The following SUPT3H variants were observed in gnomAD, a reference collection of about 807,000 sequenced individuals.
SUPT3H encodes SPT3 homolog, SAGA and STAGA complex component.
A neutral mutation model predicts 44.3 loss-of-function variants in SUPT3H; 44 were observed. The observed-to-expected ratio is 0.99, with a 90% CI of 0.78 to 1.28. SUPT3H has a LOEUF of 1.28. Among genes scored for constraint, SUPT3H ranks in the 50% most tolerant of loss-of-function variants. The pLI is 0.00. For missense variants in SUPT3H, 380 were observed against 387.1 expected (o/e 0.98, Z 0.15); for synonymous variants, 124 against 125.6 (o/e 0.99, Z 0.09).
chr6:44,894,549 T>C (rs1405171928), intron 10 of SUPT3H, among the ~76,000 whole-genome samples: 1 of 152,142 alleles, frequency 6.6e-6, no homozygotes, highest in African/African-American at 2.4e-5. Context: ...CGGTGTTATT[T>C]CTGAGGGCTC....
intron 2 of SUPT3H, among the ~76,000 whole-genome samples, chr6:45,303,301 G>C (rs1447383771): frequency 1.3e-5 from 2 of 152,136 alleles, no homozygotes; most frequent in Non-Finnish European, 2.9e-5. Context: ...CTTCTGCACA[G>C]CAAAAGGATA....
intron 2 of SUPT3H, among the ~76,000 whole-genome samples, chr6:45,141,612 G>A (rs1805227437): frequency 6.7e-6 from 1 of 150,368 alleles, no homozygotes; most frequent in Non-Finnish European, 1.5e-5. Context: ...AAGAACTTCA[G>A]AGCATGAAGA....
chr6:44,830,392 A>C (rs1768432267), intron 10 of SUPT3H, among the ~76,000 whole-genome samples: 1 of 152,204 alleles, frequency 6.6e-6, no homozygotes, highest in Admixed American at 6.6e-5. Flanking sequence ...AGACAGTATC[A>C]AAAATGCAAA....
chr6:45,074,259 T>C (rs1297438123), intron 3 of SUPT3H, among the ~76,000 whole-genome samples: 1 of 151,914 alleles, frequency 6.6e-6, no homozygotes, highest in Non-Finnish European at 1.5e-5. Flanking sequence ...ACCATAAAGA[T>C]AATAGGTACC....
At chr6:45,296,156 C>A (rs907819612) in intron 2 of SUPT3H, among the ~76,000 whole-genome samples, 1 of 147,226 alleles carries the variant, frequency 6.8e-6, no homozygotes, top group Non-Finnish European at 1.5e-5. Flanking sequence ...TACATACACA[C>A]ATATACATAC....
chr6:45,365,302 C>T lies in SUPT3H; in HGVS notation c.1-1G>A. On this transcript the variant is annotated splice_acceptor_variant, in intron 1 of 10. Transcript: ENST00000371459. LOFTEE classifies it low-confidence loss of function (5UTR_SPLICE). ...TTGGACTAGCTGCCGTATTATTCAT[C>T]TAAATAAAAAGGAGAAATAAAGCTT... is the stretch of plus-strand genomic sequence containing the variant. The T allele has an allele frequency of 6.2e-7, 1 of 1,601,488 alleles. No homozygotes were observed. Among genetic ancestry groups the T allele is most frequent in the Non-Finnish European group, 8.5e-7 (1 of 1,171,238 alleles).
intron 2 of SUPT3H, among the ~76,000 whole-genome samples, chr6:45,242,507 G>T (rs971481147): frequency 6.6e-6 from 1 of 152,130 alleles, no homozygotes; most frequent in Non-Finnish European, 1.5e-5. Context: ...TATCAAGCTG[G>T]GAGACACTTA....
chr6:44,853,427 A>G (rs867241682), intron 10 of SUPT3H, among the ~76,000 whole-genome samples: 3 of 152,174 alleles, frequency 2.0e-5, no homozygotes, highest in Admixed American at 6.5e-5. Flanking sequence ...TGGGAGGTCA[A>G]TGCAGAAGGA....
intron 2 of SUPT3H, among the ~76,000 whole-genome samples, chr6:45,196,555 A>T (rs1816063986): frequency 6.6e-6 from 1 of 152,008 alleles, no homozygotes; most frequent in African/African-American, 2.4e-5. Flanking sequence ...CTGGCACTTG[A>T]TAAAATAGAG....
chr6:45,147,020 C>G (rs192545128), intron 2 of SUPT3H, among the ~76,000 whole-genome samples: 11 of 152,260 alleles, frequency 7.2e-5, no homozygotes, highest in Non-Finnish European at 1.5e-5. Context: ...AAATTCTAGA[C>G]ACTTTACCAG....
At chr6:45,294,758 A>C (rs1403226449) in intron 2 of SUPT3H, among the ~76,000 whole-genome samples, 2 of 149,436 alleles carry the variant, frequency 1.3e-5, no homozygotes, top group Non-Finnish European at 3.0e-5. Flanking sequence ...AAAAAAAAAA[A>C]AAAAACAACT....
rs1399271940 is a variant in SUPT3H at position 44,898,405 on chromosome 6, C to T, written c.912+34248G>A. Among the ~76,000 whole-genome samples, 4 of 152,236 alleles carry T rather than the reference C, an allele frequency of 2.6e-5. No homozygotes were observed. The East Asian group carries it at 7.7e-4, about 29-fold the overall frequency. On this transcript the variant is annotated intron_variant, in intron 10 of 10. Coordinates refer to ENST00000371459, the MANE Select transcript of SUPT3H (RefSeq NM_003599.4). ...GCCATCCAATGAGAATGCTTCAGCC[C>T]TCCCATGGAAAACTGAGGCCCCCAG...
intron 2 of SUPT3H, among the ~76,000 whole-genome samples, chr6:45,210,757 A>G (rs1171491761): frequency 1.3e-5 from 2 of 152,190 alleles, no homozygotes; most frequent in African/African-American, 4.8e-5. Flanking sequence ...TTAATAAACT[A>G]TAGTATAGGG....
chr6:45,193,707 A>C (rs2153620772), intron 2 of SUPT3H, among the ~76,000 whole-genome samples: 1 of 152,120 alleles, frequency 6.6e-6, no homozygotes, highest in East Asian at 1.9e-4. Context: ...CAAGAGCAAA[A>C]CTCCATCTCA....
chr6:44,812,286 G>C (rs1160323997), intron 11 of SUPT3H, among the ~76,000 whole-genome samples: 1 of 150,448 alleles, frequency 6.6e-6, no homozygotes, highest in Non-Finnish European at 1.5e-5. Flanking sequence ...GGAGAACTCA[G>C]TTTCTGTTTC....
intron 10 of SUPT3H, among the ~76,000 whole-genome samples, chr6:44,890,474 T>C (rs909173308): frequency 5.3e-5 from 8 of 149,626 alleles, no homozygotes; most frequent in South Asian, 2.1e-4. Flanking sequence ...ATGGATGAAA[T>C]TGGAAATCAT....
At chr6:45,049,753 C>A (rs1011122433) in intron 3 of SUPT3H, among the ~76,000 whole-genome samples, 1 of 152,102 alleles carries the variant, frequency 6.6e-6, no homozygotes, top group Non-Finnish European at 1.5e-5. Context: ...CTATATTTAC[C>A]TCCTGATGGA....
intron 3 of SUPT3H, among the ~76,000 whole-genome samples, chr6:45,024,659 T>C (rs1785673654): frequency 6.6e-6 from 1 of 152,226 alleles, no homozygotes; most frequent in Non-Finnish European, 1.5e-5. Context: ...ATTTTGTGTG[T>C]CAATTTGACT....
chr6:45,191,605 G>A (rs78893792), intron 2 of SUPT3H, among the ~76,000 whole-genome samples: 1 of 152,040 alleles, frequency 6.6e-6, no homozygotes, highest in Non-Finnish European at 1.5e-5. Flanking sequence ...AAATATAATT[G>A]AAACTGTAGG....
Sources: gnomAD v4.1 joint callset for allele counts (sites outside exome capture counted in the v4.1 genomes callset) on GRCh38, gnomAD v4.1.1 for gene constraint, MANE v1.5 for transcripts, NCBI Gene and HGNC (gene_info 2026-07-23, HGNC 2026-07-21) for gene names.